The following PBX1 variants were observed in gnomAD, a reference collection of about 807,000 sequenced individuals.
The protein encoded by PBX1 is PBX homeobox 1, also known as pre-B-cell leukemia transcription factor 1.
Under a neutral mutation model 53.4 loss-of-function variants are expected in PBX1, and 6 were observed. The ratio of observed to expected loss-of-function variants is 0.11; its 90% CI spans 0.06 to 0.22. The LOEUF (loss-of-function observed/expected upper bound fraction) is 0.22, where lower values mean the gene tolerates loss of function less well. Ranked by LOEUF, PBX1 falls within the 10% of genes least tolerant of loss-of-function variation. The pLI, the probability that PBX1 is intolerant of heterozygous loss-of-function variation, is 1.00. For missense variants in PBX1, 251 were observed against 551.4 expected (o/e 0.46, Z 5.46); for synonymous variants, 204 against 212.3 (o/e 0.96, Z 0.34).
At chr1:164,564,042 C>T (rs1314872180) in intron 2 of PBX1, 1 of 152,112 alleles carries the variant, frequency 6.6e-6, no homozygotes, top group Non-Finnish European at 1.5e-5. Context: ...ACAACAGATG[C>T]TCTGGGAAGG....
At chr1:164,878,676 G>C (rs1571554777) in intron 2 of PBX1, among the ~76,000 whole-genome samples, 1 of 146,354 alleles carries the variant, frequency 6.8e-6, no homozygotes, top group African/African-American at 2.5e-5. Context: ...ATTGCTATAG[G>C]AAAAAAAAAA....
intron 2 of PBX1, among the ~76,000 whole-genome samples, chr1:164,663,589 G>T (rs1660640522): frequency 6.6e-6 from 1 of 152,158 alleles, no homozygotes; most frequent in African/African-American, 2.4e-5. Context: ...CTATATCAAA[G>T]ATACTTATAT....
chr1:164,682,502 G>A (rs1352289425), intron 2 of PBX1: 1 of 151,934 alleles, frequency 6.6e-6, no homozygotes, highest in East Asian at 1.9e-4. Context: ...TGACCTCAAG[G>A]AGCTTTTATT....
chr1:164,649,769 C>G (rs539356980), intron 2 of PBX1, among the ~76,000 whole-genome samples: 1 of 152,314 alleles, frequency 6.6e-6, no homozygotes, highest in Admixed American at 6.5e-5. Context: ...CATGCTGGGT[C>G]TGTTCTAAGT....
At chr1:164,834,029 A>ATATGTGTG (rs755611901) in intron 8 of PBX1, among the ~76,000 whole-genome samples, 1 of 128,234 alleles carries the variant, frequency 7.8e-6, no homozygotes, top group African/African-American at 2.9e-5. Flanking sequence ...ATATATGTAT[A>ATATGTGTG]TGTGTGTGTG....
chr1:164,589,726 C>T (rs1178206736), intron 2 of PBX1, among the ~76,000 whole-genome samples: 2 of 152,162 alleles, frequency 1.3e-5, no homozygotes, highest in Non-Finnish European at 2.9e-5. Flanking sequence ...GGGAAGGAGA[C>T]TGACAAATAC....
intron 2 of PBX1, among the ~76,000 whole-genome samples, chr1:164,876,506 C>T (rs1037253213): frequency 3.3e-5 from 5 of 150,494 alleles, no homozygotes; most frequent in African/African-American, 1.2e-4. Flanking sequence ...CAGGGATCCG[C>T]GTTTCTGAGA....
At position 164,588,142 on chromosome 1, in the gene PBX1, T is replaced by G. The variant is rs1320646262; in HGVS notation, c.265+24831T>G. On this transcript the variant is annotated intron_variant, in intron 2 of 8. Coordinates refer to ENST00000420696, the MANE Select transcript of PBX1 (RefSeq NM_002585.4). ...AGCAAGGATACCCATCGCAGGGAGCTGAAAAACCTCACATCCAGATGCGGT... is the reference window on the plus strand; with the variant it reads ...AGCAAGGATACCCATCGCAGGGAGCGGAAAAACCTCACATCCAGATGCGGT... Among the ~76,000 whole-genome samples the G allele has an allele frequency of 2.0e-5, 3 of 152,066 alleles. No individual in the cohort carries two copies. The East Asian group carries it at 5.8e-4, about 29-fold the overall frequency.
chr1:164,747,311 T>C (rs973238752), intron 2 of PBX1, among the ~76,000 whole-genome samples: 2 of 151,220 alleles, frequency 1.3e-5, no homozygotes, highest in Non-Finnish European at 2.9e-5. Context: ...TGTATATGTA[T>C]GAATCATGTA....
chr1:164,673,028 C>T (rs1661201429), intron 2 of PBX1, among the ~76,000 whole-genome samples: 1 of 152,144 alleles, frequency 6.6e-6, no homozygotes, highest in African/African-American at 2.4e-5. Flanking sequence ...GCATTGAGCT[C>T]ACTCAGATGT....
At chr1:164,833,386 C>G (rs1670865795) in intron 8 of PBX1, among the ~76,000 whole-genome samples, 1 of 152,118 alleles carries the variant, frequency 6.6e-6, no homozygotes, top group African/African-American at 2.4e-5. Context: ...CTCTTTTTCT[C>G]TCGTCATAGA....
intron 2 of PBX1, among the ~76,000 whole-genome samples, chr1:164,761,624 T>C (rs1666819881): frequency 6.6e-6 from 1 of 152,130 alleles, no homozygotes; most frequent in Admixed American, 6.5e-5. Flanking sequence ...TTTGTATTTT[T>C]AGTAGAGACG....
intron 8 of PBX1, among the ~76,000 whole-genome samples, chr1:164,844,294 CA>C (rs1004491850): frequency 2.0e-5 from 3 of 152,068 alleles, no homozygotes; most frequent in Non-Finnish European, 4.4e-5. Flanking sequence ...GAACCTGCTG[CA>C]TTCCCCAGTG....
intron 2 of PBX1, among the ~76,000 whole-genome samples, chr1:164,706,239 G>A (rs1450449688): frequency 6.6e-6 from 1 of 152,126 alleles, no homozygotes; most frequent in Non-Finnish European, 1.5e-5. Context: ...GGCTCCTCTG[G>A]AAACTTCTGT....
intron 1 of PBX1, chr1:164,560,483 A>C (rs907663102): frequency 3.3e-6 from 1 of 298,742 alleles, no homozygotes; most frequent in Non-Finnish European, 6.1e-6. Context: ...CTCCTTACCT[A>C]ATTCAGCGAG....
chr1:164,769,724 A>G (rs1356407906), intron 2 of PBX1: 1 of 152,184 alleles, frequency 6.6e-6, no homozygotes, highest in Non-Finnish European at 1.5e-5. Context: ...ATGAAACTCT[A>G]TAGTACTAAA....
chr1:164,724,111 G>A (rs1337510828), intron 2 of PBX1, among the ~76,000 whole-genome samples: 1 of 152,074 alleles, frequency 6.6e-6, no homozygotes, highest in Non-Finnish European at 1.5e-5. Context: ...CCCTTCCCTG[G>A]CCCCAAAAGA....
At chr1:164,697,047 C>T (rs1265979193) in intron 2 of PBX1, among the ~76,000 whole-genome samples, 1 of 152,172 alleles carries the variant, frequency 6.6e-6, no homozygotes, top group Non-Finnish European at 1.5e-5. Flanking sequence ...GGGATAATAT[C>T]ACCTACTTCA....
At chr1:164,661,096 A>G (rs1660460945) in intron 2 of PBX1, among the ~76,000 whole-genome samples, 1 of 152,232 alleles carries the variant, frequency 6.6e-6, no homozygotes, top group Non-Finnish European at 1.5e-5. Flanking sequence ...GACTGGAAGC[A>G]GCTGAGAGGA....
Sources: gnomAD v4.1 joint callset for allele counts (sites outside exome capture counted in the v4.1 genomes callset) on GRCh38, gnomAD v4.1.1 for gene constraint, MANE v1.5 for transcripts, NCBI Gene and HGNC (gene_info 2026-07-23, HGNC 2026-07-21) for gene names.